LRP5: variants seen among roughly 807,000 people sequenced by gnomAD.
The protein encoded by LRP5 is low-density lipoprotein receptor-related protein 5.
LRP5 carries 62 observed loss-of-function variants against 154.1 expected under a neutral mutation model. The observed-to-expected ratio is 0.40, with a 90% CI of 0.33 to 0.50. The LOEUF (loss-of-function observed/expected upper bound fraction) is 0.50. Ranked by LOEUF, LRP5 falls within the 20% of genes least tolerant of loss-of-function variation. The pLI, the probability that LRP5 is intolerant of heterozygous loss-of-function variation, is 0.55. For missense variants in LRP5, 1,915 were observed against 2,336.7 expected (o/e 0.82, Z 3.72); for synonymous variants, 966 against 1,011.5 (o/e 0.96, Z 0.85).
intron 17 of LRP5, 45 bp downstream of exon 17, chr11:68,429,745 T>C: frequency 1.9e-6 from 3 of 1,612,798 alleles, no homozygotes; most frequent in Non-Finnish European, 2.5e-6. Flanking sequence ...GACAGGTACC[T>C]GATTCTCTGC....
the LRP5 span, among the ~76,000 whole-genome samples, chr11:68,304,028 C>T: frequency 6.6e-6 from 1 of 152,176 alleles, no homozygotes; most frequent in Non-Finnish European, 1.5e-5. Context: ...ATTTGCATAA[C>T]TAAAAAGGAG....
At chr11:68,431,888 C>T (rs1166532877) in intron 17 of LRP5, among the ~76,000 whole-genome samples, 1 of 152,202 alleles carries the variant, frequency 6.6e-6, no homozygotes, top group Non-Finnish European at 1.5e-5. Context: ...GGGCCCTGGC[C>T]CTCCTGGCTC....
intron 7 of LRP5, among the ~76,000 whole-genome samples, chr11:68,397,921 T>C (rs115444351): frequency 0.011 from 1,688 of 149,738 alleles, 42 homozygotes; most frequent in African/African-American, 0.039. Flanking sequence ...CTCCCAGGGA[T>C]CTGGGGAGAG....
At chr11:68,372,849 G>C (rs976838013) in intron 5 of LRP5, among the ~76,000 whole-genome samples, 1 of 152,152 alleles carries the variant, frequency 6.6e-6, no homozygotes, top group Admixed American at 6.5e-5. Flanking sequence ...AGGACGGAGG[G>C]GGGTGTGCTG....
At chr11:68,345,920 G>C (rs568289315) in intron 1 of LRP5, among the ~76,000 whole-genome samples, 1 of 152,232 alleles carries the variant, frequency 6.6e-6, no homozygotes, top group South Asian at 2.1e-4. Flanking sequence ...GATGATTAGG[G>C]ATATATTAAG....
chr11:68,388,066 G>A (rs2098644010), intron 6 of LRP5, among the ~76,000 whole-genome samples: 1 of 152,080 alleles, frequency 6.6e-6, no homozygotes, highest in Non-Finnish European at 1.5e-5. Flanking sequence ...GGCAGCGGGA[G>A]CACAGCAGGC....
At chr11:68,305,377 C>A in the LRP5 span, among the ~76,000 whole-genome samples, 1 of 151,914 alleles carries the variant, frequency 6.6e-6, no homozygotes, top group African/African-American at 2.4e-5. Flanking sequence ...CATGCTTGTA[C>A]AGCCTGCAGA....
At chr11:68,428,544 A>G (rs1221659634) in intron 16 of LRP5, among the ~76,000 whole-genome samples, 3 of 151,718 alleles carry the variant, frequency 2.0e-5, no homozygotes, top group Non-Finnish European at 4.4e-5. Flanking sequence ...ACCTCTGCCC[A>G]TCTTCATGTG....
intron 5 of LRP5, among the ~76,000 whole-genome samples, chr11:68,372,132 A>C (rs1352818145): frequency 1.3e-5 from 2 of 152,156 alleles, no homozygotes; most frequent in African/African-American, 4.8e-5. Context: ...AAGAGGATTC[A>C]GGATGGAAGA....
chr11:68,363,966 G>C (rs755826281), intron 4 of LRP5, 23 bp downstream of exon 4: 14 of 1,538,410 alleles, frequency 9.1e-6, no homozygotes, highest in African/African-American at 5.5e-5. Context: ...TGGGGCGCGG[G>C]GGCGAGGGTG....
chr11:68,444,302 G>A (rs1287154044), intron 21 of LRP5, among the ~76,000 whole-genome samples: 1 of 152,050 alleles, frequency 6.6e-6, no homozygotes, highest in Non-Finnish European at 1.5e-5. Context: ...ATCACCTGAG[G>A]TCAGGAGTTC....
intron 6 of LRP5, among the ~76,000 whole-genome samples, chr11:68,387,702 C>A (rs527988582): frequency 6.6e-6 from 1 of 152,306 alleles, no homozygotes; most frequent in South Asian, 2.1e-4. Context: ...GGGCTCATAA[C>A]CCAGAACACT....
chr11:68,424,271 G>GGGGT (rs896309331), intron 14 of LRP5, among the ~76,000 whole-genome samples: 4 of 152,204 alleles, frequency 2.6e-5, no homozygotes, highest in African/African-American at 9.7e-5. Context: ...CAGATAGCTG[G>GGGGT]GGGGCTGGCA....
intron 5 of LRP5, among the ~76,000 whole-genome samples, chr11:68,379,948 A>G (rs1346959679): frequency 6.6e-6 from 1 of 152,224 alleles, no homozygotes; most frequent in Admixed American, 6.5e-5. Flanking sequence ...CCTGGCCAAC[A>G]TGGTGAAACC....
intron 7 of LRP5, among the ~76,000 whole-genome samples, chr11:68,390,344 C>T (rs912823551): frequency 3.9e-5 from 6 of 152,280 alleles, no homozygotes; most frequent in African/African-American, 7.2e-5. Context: ...GAGGCCAGCC[C>T]GGGCAAAGGG....
intron 3 of LRP5, among the ~76,000 whole-genome samples, chr11:68,361,681 CCATGGTGGTA>C (rs1401580682): frequency 6.6e-6 from 1 of 150,800 alleles, no homozygotes; most frequent in Non-Finnish European, 1.5e-5. Flanking sequence ...AATTAGCTGG[CCATGGTGGTA>C]CATACCTGTG....
rs2098647714 is a variant in LRP5 at position 68,393,791 on chromosome 11, AAAAAT to A, written c.1584+3744_1584+3748del. ...AGTGAAACTCCATCTAAAATAAAACAAAAATAAAAATAAATAAAAATTTATTAAAA... is the reference window on the plus strand; with the variant it reads ...AGTGAAACTCCATCTAAAATAAAACAAAAAATAAATAAAAATTTATTAAAA... On this transcript the variant is annotated intron_variant, in intron 7 of 22. Coordinates refer to ENST00000294304, the MANE Select transcript of LRP5 (RefSeq NM_002335.4). 4.6e-5 allele frequency among the ~76,000 whole-genome samples: 7 copies of A among 152,356 alleles called. No individual in the cohort carries two copies. In the South Asian group the frequency reaches 1.4e-3, roughly 32 times the overall value.
At chr11:68,382,933 A>C (rs2098641081) in intron 5 of LRP5, among the ~76,000 whole-genome samples, 1 of 151,666 alleles carries the variant, frequency 6.6e-6, no homozygotes, top group African/African-American at 2.4e-5. Context: ...GCTGGAGTGC[A>C]GTGGCGCGAT....
At chr11:68,440,773 C>T (rs1201145609) in intron 21 of LRP5, among the ~76,000 whole-genome samples, 2 of 148,940 alleles carry the variant, frequency 1.3e-5, no homozygotes, top group African/African-American at 2.5e-5. Context: ...TTTTCTTTTT[C>T]TTTTTTTTTT....
Sources: allele counts gnomAD v4.1 joint callset (sites outside exome capture counted in the v4.1 genomes callset), GRCh38; gene constraint gnomAD v4.1.1; transcripts MANE v1.5; gene names NCBI Gene and HGNC (gene_info 2026-07-23, HGNC 2026-07-21).